Variants in SLC6A12 observed in about 807,000 individuals in gnomAD.
SLC6A12 encodes sodium- and chloride-dependent betaine transporter.
In SLC6A12, 50 loss-of-function variants were observed where a neutral mutation model predicts 73.3. The ratio of observed to expected loss-of-function variants is 0.68; its 90% confidence interval spans 0.54 to 0.86. The LOEUF is 0.86. SLC6A12 is among the 40% of genes least tolerant of loss of function. The probability of loss-of-function intolerance (pLI) is 0.00; values close to 1 mark genes in which losing one functional copy is unlikely to be tolerated. For missense variants in SLC6A12, 648 were observed against 772.8 expected, an observed-to-expected ratio of 0.84 and a Z score of 1.92; for synonymous variants, 304 against 309.2, an observed-to-expected ratio of 0.98 and a Z score of 0.18.
intron 7 of SLC6A12, among the ~76,000 whole-genome samples, chr12:200,166 T>C (rs536283273): frequency 1.0e-4 from 15 of 144,270 alleles, no homozygotes; most frequent in South Asian, 8.8e-4. Context: ...TGGAGTGCAG[T>C]GGCGCTATCT....
At chr12:187,261 G>A (rs974540023), downstream of SLC6A12, among the ~76,000 whole-genome samples, 6 of 152,228 alleles carry the variant, frequency 3.9e-5, 1 homozygote. Context: ...CTGACTTCAA[G>A]CATGAAGCCG....
chr12:200,360 G>T (rs111296348), intron 7 of SLC6A12, among the ~76,000 whole-genome samples: 123 of 152,114 alleles, frequency 8.1e-4, no homozygotes, highest in African/African-American at 2.6e-3. Context: ...CGCCAGCCTC[G>T]GCCTCCCAAA....
chr12:199,407 G>A (rs569437471), intron 7 of SLC6A12, among the ~76,000 whole-genome samples: 71 of 152,228 alleles, frequency 4.7e-4, no homozygotes, highest in African/African-American at 1.3e-3. Context: ...GCCCCCTGGC[G>A]ACCCAGGGGA....
chr12:202,818 C>A lies in SLC6A12; in HGVS notation c.412G>T (p.Ala138Ser). 6.2e-7 allele frequency: 1 copy of A among 1,613,934 alleles called. No individual in the cohort carries two copies. The highest frequency in any genetic ancestry group is 2.2e-5 in the East Asian group (1 of 44,874). Reference sequence around the variant, plus strand: ...CTGAACAGGTAGAAGAGAGCCCAGGCAAGGATGATGATGTAGTAGACATTC... The same window carrying A: ...CTGAACAGGTAGAAGAGAGCCCAGGAAAGGATGATGATGTAGTAGACATTC... ...YLNVYYIIIL[A>S]WALFYLFSSF... The change falls in exon 5 of 16, where the codon GCC (alanine) becomes TCC (serine). Residue 138 changes from alanine (A) to serine (S), a missense_variant. Transcript: ENST00000684302.
chr12:191,590 T>A (rs1053069636), intron 15 of SLC6A12, among the ~76,000 whole-genome samples: 1 of 93,550 alleles, frequency 1.1e-5, no homozygotes, highest in Non-Finnish European at 2.3e-5. Flanking sequence ...ATTGTCATTA[T>A]TGTTATTACT....
chr12:195,335 G>A lies in SLC6A12; in HGVS notation c.1327-8C>T, dbSNP rs1362285832. On this transcript the variant is annotated splice_region_variant and splice_polypyrimidine_tract_variant and intron_variant, in intron 12 of 15. Coordinates refer to ENST00000684302, the MANE Select transcript of SLC6A12 (RefSeq NM_001122848.3). ...GAAGATGTACATCCCGCCCTGTGGG[G>A]AGAGCGTGGAGCTGGGGCATGGCCA... The A allele has an allele frequency of 6.4e-7, 1 of 1,574,492 alleles. No homozygotes were observed. Among genetic ancestry groups the A allele is most frequent in the Non-Finnish European group, 8.7e-7 (1 of 1,143,756 alleles).
the SLC6A12 span, among the ~76,000 whole-genome samples, chr12:184,232 A>G: frequency 1.3e-5 from 2 of 152,230 alleles, no homozygotes; most frequent in Admixed American, 6.5e-5. Context: ...ATGCAGAAAA[A>G]GCAATCCATA....
downstream of SLC6A12, among the ~76,000 whole-genome samples, chr12:187,215 G>C (rs1240195387): frequency 6.6e-6 from 1 of 152,168 alleles, no homozygotes; most frequent in Non-Finnish European, 1.5e-5. Context: ...GAAACGAGAT[G>C]AAAGTGTGCC....
chr12:196,620 ACCC>A, intron 11 of SLC6A12, 147 bp downstream of exon 11: 1 of 650,242 alleles, frequency 1.5e-6, no homozygotes. Context: ...TCCAGGCCAC[ACCC>A]CCAACCCCAA....
Position 207,324 on chromosome 12 carries a change from A to G in SLC6A12, c.214+2449T>C, listed in dbSNP as rs190977061. ...GCCCTGAAGCCTGGGGTTGGTGTCA[A>G]CACCTCTACATTGTGCCTTACCTCT... On this transcript the variant is annotated intron_variant, in intron 3 of 15. Transcript: ENST00000684302. Among the ~76,000 whole-genome samples, 78 of 152,320 alleles carry G rather than the reference A, an allele frequency of 5.1e-4. No homozygotes were observed. The East Asian group carries it at 0.011, about 21-fold the overall frequency.
downstream of SLC6A12, among the ~76,000 whole-genome samples, chr12:187,395 G>A (rs959152085): frequency 1.3e-5 from 2 of 151,944 alleles, no homozygotes; most frequent in South Asian, 2.1e-4. Context: ...CAGCTCCGGA[G>A]TGAAACTGCG....
chr12:193,377 C>A lies in SLC6A12; in HGVS notation c.1430G>T (p.Gly477Val). Residue 477 changes from glycine (G) to valine (V), a missense_variant and splice_region_variant, in exon 14 of 16, where the codon GGG becomes GTG. Transcript: ENST00000684302. ...FEVVCISWVY[G>V]ADRFYDNIED... is the part of the protein sequence containing the mutation. Reference sequence around the variant, plus strand: ...AATGTTGTCATAGAAACGGTCCGCCCCTGAGCAGGCATGGCGTGGGAGAGT... The same window carrying A: ...AATGTTGTCATAGAAACGGTCCGCCACTGAGCAGGCATGGCGTGGGAGAGT... 6.2e-7 allele frequency: 1 copy of A among 1,612,266 alleles called. No homozygotes were observed. Among genetic ancestry groups the A allele is most frequent in the Non-Finnish European group, 8.5e-7 (1 of 1,178,502 alleles).
At chr12:201,904 C>G (rs969627349) in intron 5 of SLC6A12, 55 bp from the exon 6 acceptor site, 12 of 1,490,062 alleles carry the variant, frequency 8.1e-6, no homozygotes, top group Admixed American at 1.7e-5. Context: ...ATACCCTAGT[C>G]CCCCTGGCCC....
chr12:204,688 G>A lies in SLC6A12; in HGVS notation c.225C>T (p.Phe75=), dbSNP rs1940531846. The A allele has an allele frequency of 6.2e-7, 1 of 1,614,082 alleles. No homozygotes were observed. The highest frequency in any genetic ancestry group is 8.5e-7 in the Non-Finnish European group (1 of 1,180,018). Residue 75 remains phenylalanine (F), a synonymous_variant, in exon 4 of 16, where the codon TTC becomes TTT. Coordinates refer to ENST00000684302, the MANE Select transcript of SLC6A12 (RefSeq NM_001122848.3). ...CAAAGAAGAAGATGAAGTAGGGGAT[G>A]AAGAAGGCTCCTGCAGAAGAGAGAG... is the stretch of plus-strand genomic sequence containing the variant. ...LCYKNGGGAF[F]IPYFIFFFVC... is the part of the protein sequence containing the mutation.
chr12:192,589 C>T lies in SLC6A12; in HGVS notation c.1590G>A (p.Val530=), dbSNP rs560878368. ...YTPLKYNNVY[V]YPPWGYSIGW... ...CAATGGAGTATCCCCAGGGCGGGTA[C>T]ACATAGACGTTGTTGTACTTGAGGG... Residue 530 remains valine (V), a synonymous_variant, in exon 15 of 16, where the codon GTG becomes GTA. Coordinates refer to ENST00000684302, the MANE Select transcript of SLC6A12 (RefSeq NM_001122848.3). 6.4e-5 allele frequency: 103 copies of T among 1,613,928 alleles called. No individual in the cohort carries two copies. The highest frequency in any genetic ancestry group is 8.1e-5 in the Non-Finnish European group (95 of 1,180,010).
At chr12:187,328 C>A (rs758644301), downstream of SLC6A12, among the ~76,000 whole-genome samples, 2 of 152,002 alleles carry the variant, frequency 1.3e-5, no homozygotes, top group Non-Finnish European at 2.9e-5. Context: ...GAGTTTGTTC[C>A]TTCTAACGTT....
chr12:192,498 T>C lies in SLC6A12; in HGVS notation c.1681A>G (p.Thr561Ala), dbSNP rs1245064749. The C allele has an allele frequency of 1.9e-6, 3 of 1,613,462 alleles. No homozygotes were observed. The highest frequency in any genetic ancestry group is 2.7e-5 in the African/African-American group (2 of 74,694). ...CCTACCTTCCTGAAAGGACCCCGAG[T>C]CTTCAGGAGGGTGATGACGACGAAG... ...PLFVVITLLK[T>A]RGPFRKRLRQ... Residue 561 changes from threonine (T) to alanine (A), a missense_variant, in exon 15 of 16, where the codon ACT becomes GCT. Coordinates refer to ENST00000684302, the MANE Select transcript of SLC6A12 (RefSeq NM_001122848.3).
At chr12:204,885 T>C in intron 3 of SLC6A12, 187 bp from the exon 4 acceptor site, 1 of 614,826 alleles carries the variant, frequency 1.6e-6, no homozygotes, top group Non-Finnish European at 2.9e-6. Context: ...CAGGTGGGAA[T>C]GTTCTGATCT....
chr12:185,050 G>A, the SLC6A12 span, among the ~76,000 whole-genome samples: 10 of 152,068 alleles, frequency 6.6e-5, no homozygotes, highest in South Asian at 2.1e-4. Flanking sequence ...AGTGAAGGAA[G>A]ATAAGAGAAA....
Sources: allele counts gnomAD v4.1 joint callset (sites outside exome capture counted in the v4.1 genomes callset), GRCh38; gene constraint gnomAD v4.1.1; transcripts MANE v1.5; gene names NCBI Gene and HGNC (gene_info 2026-07-23, HGNC 2026-07-21).